Variants in UNC79 observed in about 807,000 individuals in gnomAD.
UNC79 encodes the protein unc-79 subunit of NALCN channel complex.
A neutral mutation model predicts 283.1 loss-of-function variants in UNC79; 37 were observed. The ratio of observed to expected loss-of-function variants is 0.13; its 90% CI spans 0.10 to 0.17. The LOEUF is 0.17. UNC79 is among the 10% of genes least tolerant of loss of function. The pLI is 1.00. For synonymous variants in UNC79, 1,107 were observed against 1,200.2 expected (o/e 0.92, Z 1.61); for missense variants, 2,272 against 3,211.1 (o/e 0.71, Z 7.07).
chr14:93,428,401 A>G (rs929553767), upstream of UNC79, among the ~76,000 whole-genome samples: 1 of 152,242 alleles, frequency 6.6e-6, no homozygotes, highest in Non-Finnish European at 1.5e-5. Context: ...GGCAATGAGA[A>G]GAGGCACTAC....
intron 13 of UNC79, among the ~76,000 whole-genome samples, chr14:93,542,004 CAAAAAAAAAAAAA>C (rs745650977): frequency 3.3e-5 from 2 of 59,892 alleles, no homozygotes; most frequent in African/African-American, 6.2e-5. Flanking sequence ...GACTCCATCT[CAAAAAAAAAAAAA>C]AAAAAAAAAA....
At position 93,528,586 on chromosome 14, in the gene UNC79, C is replaced by T. The variant is rs150368733; in HGVS notation, c.992C>T (p.Ala331Val). ...TGTATAGACCCTTCCCTGTCAGTAG[C>T]GTTGGGTGATAAACCACCCCCGTTG... is the stretch of plus-strand genomic sequence containing the variant. Residue 331 changes from alanine to valine, a missense_variant, in exon 9 of 49, where the codon GCG becomes GTG. Transcript: ENST00000555664. The T allele has an allele frequency of 6.5e-4, 1,052 of 1,613,816 alleles. No homozygotes were observed. Among genetic ancestry groups the T allele is most frequent in the Non-Finnish European group, 8.3e-4 (985 of 1,179,816 alleles).
At chr14:93,576,021 G>C (rs897192455) in intron 17 of UNC79, among the ~76,000 whole-genome samples, 11 of 152,246 alleles carry the variant, frequency 7.2e-5, no homozygotes, top group African/African-American at 2.4e-4. Flanking sequence ...ATAGGAGCCA[G>C]CTGCTAACCA....
chr14:93,637,115 A>C, intron 31 of UNC79, 101 bp from the exon 35 acceptor site: 1 of 758,856 alleles, frequency 1.3e-6, no homozygotes, highest in East Asian at 2.5e-5. Context: ...AGTAACAGTG[A>C]CCAAAAAATT....
At chr14:93,683,455 A>G (rs564642462) in intron 42 of UNC79, among the ~76,000 whole-genome samples, 1 of 152,204 alleles carries the variant, frequency 6.6e-6, no homozygotes, top group South Asian at 2.1e-4. Flanking sequence ...ACATGACCAC[A>G]CCCAACTGCA....
intron 31 of UNC79, among the ~76,000 whole-genome samples, chr14:93,634,070 G>GCA (rs1332438518): frequency 3.3e-5 from 5 of 151,704 alleles, no homozygotes; most frequent in Admixed American, 6.6e-5. Context: ...AAATATACAC[G>GCA]CACACACACA....
chr14:93,360,184 C>T (rs1319154205), intron 1 of UNC79, among the ~76,000 whole-genome samples: 1 of 152,202 alleles, frequency 6.6e-6, no homozygotes, highest in Non-Finnish European at 1.5e-5. Flanking sequence ...AGAACCCCCA[C>T]ATTGGCTCCC....
chr14:93,459,576 A>G (rs989080730), intron 1 of UNC79, among the ~76,000 whole-genome samples: 1 of 152,092 alleles, frequency 6.6e-6, no homozygotes, highest in Non-Finnish European at 1.5e-5. Flanking sequence ...TCTGGCAGAA[A>G]AGCATGGCTT....
chr14:93,555,658 GC>G (rs944900306), intron 14 of UNC79, among the ~76,000 whole-genome samples: 8 of 152,150 alleles, frequency 5.3e-5, no homozygotes, highest in Non-Finnish European at 1.2e-4. Flanking sequence ...CCTGCCTCAG[GC>G]CCCCAAAGTG....
intron 1 of UNC79, among the ~76,000 whole-genome samples, chr14:93,341,354 G>A (rs186404365): frequency 2.0e-3 from 309 of 152,140 alleles, no homozygotes; most frequent in African/African-American, 6.7e-3. Flanking sequence ...CTACTCAGGC[G>A]GCTGAGACAG....
intron 40 of UNC79, among the ~76,000 whole-genome samples, chr14:93,668,647 C>A (rs540076482): frequency 7.9e-5 from 12 of 152,072 alleles, no homozygotes; most frequent in African/African-American, 2.9e-4. Context: ...AAGTTTGAGA[C>A]CAGCCTGGGC....
At chr14:93,430,076 G>A (rs1395325231), upstream of UNC79, among the ~76,000 whole-genome samples, 2 of 152,074 alleles carry the variant, frequency 1.3e-5, no homozygotes, top group Admixed American at 6.5e-5. This position sits in a 1 kb window ranked among gnomAD's most constrained non-coding sequence, Gnocchi z 4.6. Flanking sequence ...TTCCTTTCCC[G>A]CTGCCTTCGG....
intron 45 of UNC79, chr14:93,691,037 A>G (rs2074652581): frequency 6.5e-6 from 1 of 153,386 alleles, no homozygotes. Flanking sequence ...CAATGATCCA[A>G]ATGATGTTCA....
intron 34 of UNC79, among the ~76,000 whole-genome samples, chr14:93,645,811 A>G (rs2069536820): frequency 6.6e-6 from 1 of 152,140 alleles, no homozygotes; most frequent in African/African-American, 2.4e-5. Flanking sequence ...TTAGCATGAG[A>G]AGGTCTGTAA....
intron 1 of UNC79, among the ~76,000 whole-genome samples, chr14:93,452,104 T>C (rs1000138107): frequency 3.9e-5 from 6 of 152,212 alleles, no homozygotes; most frequent in African/African-American, 1.4e-4. Context: ...ATATTATCTC[T>C]TCTGAAAAGT....
At chr14:93,592,801 A>G (rs2064792368) in intron 22 of UNC79, among the ~76,000 whole-genome samples, 1 of 152,212 alleles carries the variant, frequency 6.6e-6, no homozygotes, top group Admixed American at 6.5e-5. Context: ...ATTCCTGTAG[A>G]ACTTGATAGG....
rs542954207 is a variant in UNC79 at position 93,533,242 on chromosome 14, C to A, written c.1122+664C>A. 1.5e-4 allele frequency among the ~76,000 whole-genome samples: 23 copies of A among 152,248 alleles called. 1 individual carries two copies. The South Asian group carries it at 4.8e-3, about 32-fold the overall frequency. The stretch of plus-strand genomic sequence containing the variant: ...TTCCCTCCTACCTATGTGGACCTTG[C>A]ACACATCATTTAAACTTTTTGGGAT... On this transcript the variant is annotated intron_variant, in intron 11 of 48. Transcript: ENST00000555664.
At chr14:93,615,948 G>A (rs550722799) in intron 27 of UNC79, among the ~76,000 whole-genome samples, 12 of 151,712 alleles carry the variant, frequency 7.9e-5, no homozygotes, top group South Asian at 2.1e-4. Context: ...TACAATAATA[G>A]GTTCATATTA....
chr14:93,497,118 C>G, intron 6 of UNC79, 39 bp from the exon 7 acceptor site: 4 of 1,579,942 alleles, frequency 2.5e-6, no homozygotes, highest in Non-Finnish European at 3.4e-6. Context: ...CTTTTTATTT[C>G]ATGATGCTAA....
Sources: gnomAD v4.1 joint callset for allele counts (sites outside exome capture counted in the v4.1 genomes callset) on GRCh38, gnomAD v4.1.1 for gene constraint, Gnocchi (gnomAD v3.1) non-coding constraint, MANE v1.5 for transcripts, NCBI Gene and HGNC (gene_info 2026-07-23, HGNC 2026-07-21) for gene names.